Variants in VCPKMT observed in about 807,000 individuals in gnomAD.
VCPKMT encodes valosin containing protein lysine methyltransferase, also known as protein N-lysine methyltransferase METTL21D.
Under a neutral mutation model 28.6 loss-of-function variants are expected in VCPKMT, and 32 were observed. The observed-to-expected ratio is 1.12, with a 90% CI of 0.84 to 1.50. The LOEUF is 1.50. Among genes scored for constraint, VCPKMT ranks in the 40% most tolerant of loss-of-function variants. VCPKMT has a pLI of 0.00. For missense variants in VCPKMT, 366 were observed against 285.0 expected (o/e 1.28, Z -2.05); for synonymous variants, 138 against 111.4 (o/e 1.24, Z -1.50).
rs1303333545 is a variant in VCPKMT, at chr14:50,109,379, GT to G, written c.*319del. ...CCTGTAAAAGGTCCAGTCAAATCAT[GT>G]TGGCTGTTTTTGGCAGATTTCAGCC... On this transcript the variant is annotated 3_prime_UTR_variant, in exon 6 of 6. Transcript: ENST00000395860. 5 of 1,085,266 alleles carry G rather than the reference GT, an allele frequency of 4.6e-6. No individual in the cohort carries two copies. The highest frequency in any genetic ancestry group is 5.6e-6 in the Non-Finnish European group (5 of 896,168). The allele number at this position is 1,085,266 out of a possible 1,614,324, so 67.2% of individuals were successfully genotyped here.
At chr14:50,114,494 T>C in intron 3 of VCPKMT, 90 bp from the exon 4 acceptor site, 1 of 848,274 alleles carries the variant, frequency 1.2e-6, no homozygotes, top group Non-Finnish European at 1.7e-6. Flanking sequence ...TATTTATAGC[T>C]CCCCTACAAT....
At chr14:50,111,962 C>G in intron 5 of VCPKMT, 1 of 985,292 alleles carries the variant, frequency 1.0e-6, no homozygotes, top group Non-Finnish European at 1.2e-6. Flanking sequence ...CTGAGGCAAC[C>G]TGCATAAAAT....
chr14:50,107,046 A>G (rs1882349835), downstream of VCPKMT, among the ~76,000 whole-genome samples: 1 of 152,194 alleles, frequency 6.6e-6, no homozygotes, highest in Non-Finnish European at 1.5e-5. Flanking sequence ...GAGTGCAGGT[A>G]CAACTTGTTA....
Position 50,116,267 on chromosome 14 carries a change from GC to G in VCPKMT, c.266+19del. 1 of 1,156,728 alleles carries G rather than the reference GC, an allele frequency of 8.6e-7. No homozygotes were observed. The highest frequency in any genetic ancestry group is 1.2e-6 in the Non-Finnish European group (1 of 823,394). 71.7% of individuals were successfully genotyped at this position (1,156,728 alleles called of 1,614,324 possible). On this transcript the variant is annotated intron_variant, in intron 1 of 5. Coordinates refer to ENST00000395860, the MANE Select transcript of VCPKMT (RefSeq NM_024558.3). ...CAGCAAGAAGGCGCCCCCACATCCC[GC>G]CCGCCCGCCAGCTCTTACCCGAGGG... is the stretch of plus-strand genomic sequence containing the variant.
At chr14:50,103,188 T>G in the VCPKMT span, among the ~76,000 whole-genome samples, 1 of 152,234 alleles carries the variant, frequency 6.6e-6, no homozygotes, top group Non-Finnish European at 1.5e-5. Flanking sequence ...TTACACTGGC[T>G]GATGGAGAAA....
downstream of VCPKMT, among the ~76,000 whole-genome samples, chr14:50,108,191 CAA>C (rs11455635): frequency 9.5e-3 from 1,022 of 107,054 alleles, 10 homozygotes; most frequent in African/African-American, 0.036. Flanking sequence ...AACCCTGTCT[CAA>C]AAAAAAAAAA....
downstream of VCPKMT, chr14:50,106,457 G>A (rs1882322738): frequency 1.4e-6 from 1 of 716,246 alleles, no homozygotes; most frequent in Admixed American, 6.3e-5. Flanking sequence ...CATTGCACTT[G>A]CCTTTTAAAC....
intron 5 of VCPKMT, 22 bp downstream of exon 5, chr14:50,112,593 A>G: frequency 7.0e-7 from 1 of 1,437,374 alleles, no homozygotes; most frequent in South Asian, 1.2e-5. Flanking sequence ...TTGGAGAATG[A>G]AGAACTGAGA....
intron 5 of VCPKMT, chr14:50,111,737 T>C: frequency 1.5e-6 from 1 of 676,972 alleles, no homozygotes; most frequent in Non-Finnish European, 1.8e-6. Context: ...AATACAAAAA[T>C]TAGCTGGGCA....
At chr14:50,112,343 C>CG (rs1882731653) in intron 5 of VCPKMT, among the ~76,000 whole-genome samples, 2 of 127,420 alleles carry the variant, frequency 1.6e-5, no homozygotes. Flanking sequence ...CCCAGGAGTT[C>CG]GACACCAGTC....
chr14:50,112,842 A>G, intron 4 of VCPKMT, 123 bp from the exon 5 acceptor site: 1 of 591,906 alleles, frequency 1.7e-6, no homozygotes, highest in Non-Finnish European at 2.8e-6. Context: ...GCTGGAGTGC[A>G]GTGGTGCGAT....
At position 50,110,812 on chromosome 14, in the gene VCPKMT, T is replaced by A. The variant is rs146015550; in HGVS notation, c.676-1099A>T. On this transcript the variant is annotated intron_variant, in intron 5 of 5. Transcript: ENST00000395860. ...GTGGTACAGCCACATAAAGGAATAT[T>A]ATTCAGCCACAAAAAGGAGTTAAGT... is the stretch of plus-strand genomic sequence containing the variant. 2.6e-5 allele frequency among the ~76,000 whole-genome samples: 4 copies of A among 152,370 alleles called. No individual in the cohort carries two copies. In the East Asian group the frequency reaches 7.7e-4, roughly 29 times the overall value.
the VCPKMT span, among the ~76,000 whole-genome samples, chr14:50,103,291 C>T: frequency 6.6e-6 from 1 of 152,194 alleles, no homozygotes; most frequent in Admixed American, 6.5e-5. Flanking sequence ...ATCCCACACA[C>T]GCACTCATTA....
At chr14:50,111,864 G>T in intron 5 of VCPKMT, 1 of 958,490 alleles carries the variant, frequency 1.0e-6, no homozygotes. Flanking sequence ...ACTCCAGCCT[G>T]GATGACAGAG....
chr14:50,109,855 CA>C, intron 5 of VCPKMT, 142 bp from the exon 6 acceptor site: 1 of 968,428 alleles, frequency 1.0e-6, no homozygotes. Flanking sequence ...AACAACCATG[CA>C]TGTTTATAGA....
chr14:50,111,996 A>G, intron 5 of VCPKMT: 1 of 985,316 alleles, frequency 1.0e-6, no homozygotes, highest in Non-Finnish European at 1.2e-6. Flanking sequence ...AGGGTAAAAC[A>G]TGCACCAAGA....
chr14:50,104,929 G>C (rs753738427), downstream of VCPKMT, among the ~76,000 whole-genome samples: 4 of 152,096 alleles, frequency 2.6e-5, no homozygotes, highest in Non-Finnish European at 4.4e-5. Context: ...TATTCAAAAG[G>C]CATATCAGAA....
chr14:50,104,114 T>C (rs971085073), downstream of VCPKMT, among the ~76,000 whole-genome samples: 2 of 152,256 alleles, frequency 1.3e-5, no homozygotes, highest in Admixed American at 6.5e-5. Context: ...CCAGATAATC[T>C]GGTCTCAGAG....
intron 4 of VCPKMT, among the ~76,000 whole-genome samples, chr14:50,113,809 G>GGGGGGGGGGGGGGGGGT (rs1566807810): frequency 2.5e-5 from 1 of 39,782 alleles, no homozygotes; most frequent in Non-Finnish European, 5.1e-5. Context: ...GGGGGGGGGG[G>GGGGGGGGGGGGGGGGGT]TGACACTGAG....
Sources: allele counts gnomAD v4.1 joint callset (sites outside exome capture counted in the v4.1 genomes callset), GRCh38; gene constraint gnomAD v4.1.1; transcripts MANE v1.5; gene names NCBI Gene and HGNC (gene_info 2026-07-23, HGNC 2026-07-21).